The following DOCK3 variants were observed in gnomAD, a reference collection of about 807,000 sequenced individuals.
DOCK3 encodes the protein dedicator of cytokinesis protein 3.
DOCK3 carries 60 observed loss-of-function variants against 265.6 expected under a neutral mutation model. The ratio of observed to expected loss-of-function variants is 0.23; its 90% CI spans 0.18 to 0.28. The LOEUF is 0.28. Among genes scored for constraint, DOCK3 ranks in the 10% least tolerant of loss-of-function variants. The pLI is 1.00. For missense variants in DOCK3, 1,981 were observed against 2,594.3 expected (o/e 0.76, Z 5.14); for synonymous variants, 881 against 938.0 (o/e 0.94, Z 1.11).
At chr3:50,867,671 A>G (rs1370559677) in intron 3 of DOCK3, among the ~76,000 whole-genome samples, 1 of 151,290 alleles carries the variant, frequency 6.6e-6, no homozygotes, top group Non-Finnish European at 1.5e-5. Flanking sequence ...CTTTTTCATA[A>G]TCAATTGAAA....
Position 51,260,256 on chromosome 3 carries a change from A to G in DOCK3, c.2285A>G (p.Glu762Gly). 6.2e-7 allele frequency: 1 copy of G among 1,613,970 alleles called. No individual in the cohort carries two copies. Among genetic ancestry groups the G allele is most frequent in the Non-Finnish European group, 8.5e-7 (1 of 1,179,886 alleles). Residue 762 changes from glutamate to glycine, a missense_variant, in exon 23 of 53, where the codon GAA (glutamate) becomes GGA (glycine). Glu to Gly is a moderately conservative substitution (Grantham distance 98, BLOSUM62 -2). Coordinates refer to ENST00000266037, the MANE Select transcript of DOCK3 (RefSeq NM_004947.5). ...EEEQFRSSIQ[E>G]LFQSIRFVLS... ...GAACAATTCAGATCCAGTATCCAAG[A>G]ACTTTTCCAGTCCATCCGGTTTGTG...
At chr3:51,366,415 T>G (rs2087175281) in intron 49 of DOCK3, among the ~76,000 whole-genome samples, 1 of 152,208 alleles carries the variant, frequency 6.6e-6, no homozygotes. Context: ...TCTATCAATT[T>G]TGTTTATCTT....
At chr3:50,910,070 G>A (rs1391786978) in intron 4 of DOCK3, among the ~76,000 whole-genome samples, 5 of 151,990 alleles carry the variant, frequency 3.3e-5, no homozygotes, top group African/African-American at 9.7e-5. Context: ...AGCTTCATCA[G>A]GTCAGTTATG....
At chr3:50,877,571 G>A (rs1477761757) in intron 3 of DOCK3, 1 of 519,004 alleles carries the variant, frequency 1.9e-6, no homozygotes, top group African/African-American at 1.9e-5. Flanking sequence ...GTCAAGCGAG[G>A]ATTCAGCTTG....
chr3:50,693,862 G>A (rs913536997), intron 1 of DOCK3, among the ~76,000 whole-genome samples: 1 of 151,832 alleles, frequency 6.6e-6, no homozygotes, highest in African/African-American at 2.4e-5. Context: ...TTCTCATGTT[G>A]TTCGTATACA....
intron 18 of DOCK3, 133 bp downstream of exon 18, chr3:51,228,965 G>A: frequency 1.7e-6 from 2 of 1,183,662 alleles, no homozygotes; most frequent in South Asian, 3.3e-5. Context: ...TTCATTTGAA[G>A]TTGAAGCGAT....
intron 1 of DOCK3, among the ~76,000 whole-genome samples, chr3:50,698,413 C>T (rs1354180944): frequency 6.6e-6 from 1 of 151,204 alleles, no homozygotes; most frequent in Non-Finnish European, 1.5e-5. Flanking sequence ...GTCCATTTAC[C>T]AGAATGGATA....
intron 2 of DOCK3, among the ~76,000 whole-genome samples, chr3:50,826,431 T>C: frequency 6.6e-6 from 1 of 152,196 alleles, no homozygotes; most frequent in East Asian, 1.9e-4. Context: ...CTCTGTGCAG[T>C]GAACCATAAG....
At chr3:51,314,872 C>T in intron 31 of DOCK3, 108 bp from the exon 32 acceptor site, 5 of 1,297,344 alleles carry the variant, frequency 3.9e-6, no homozygotes, top group Non-Finnish European at 5.0e-6. Flanking sequence ...GCTTGTTTTG[C>T]TCTCAGAAGC....
intron 2 of DOCK3, among the ~76,000 whole-genome samples, chr3:50,784,069 C>T (rs1429244297): frequency 2.0e-5 from 3 of 152,090 alleles, no homozygotes; most frequent in Middle Eastern, 3.4e-3. Flanking sequence ...GGTTTCACCA[C>T]GTTGGCCAGG....
At chr3:51,133,616 A>G (rs955064741) in intron 9 of DOCK3, among the ~76,000 whole-genome samples, 1 of 152,166 alleles carries the variant, frequency 6.6e-6, no homozygotes, top group Admixed American at 6.5e-5. Flanking sequence ...TAGTGCCACA[A>G]TAAACATACA....
At chr3:50,881,962 C>T (rs1220371827) in intron 3 of DOCK3, among the ~76,000 whole-genome samples, 2 of 152,152 alleles carry the variant, frequency 1.3e-5, no homozygotes, top group East Asian at 1.9e-4. Context: ...AATAATACCA[C>T]ACGTCTACAA....
At chr3:50,760,000 A>C (rs2108379055) in intron 1 of DOCK3, among the ~76,000 whole-genome samples, 1 of 151,264 alleles carries the variant, frequency 6.6e-6, no homozygotes, top group African/African-American at 2.4e-5. Context: ...GATGCATACA[A>C]GTTTTAAATT....
At chr3:51,173,844 C>G (rs11130280) in intron 12 of DOCK3, among the ~76,000 whole-genome samples, 2 of 152,062 alleles carry the variant, frequency 1.3e-5, no homozygotes, top group African/African-American at 2.4e-5. Context: ...GTCCTTATCT[C>G]TCCTATGATT....
intron 2 of DOCK3, among the ~76,000 whole-genome samples, chr3:50,814,821 C>CT (rs547975486): frequency 5.9e-4 from 90 of 151,904 alleles, no homozygotes; most frequent in African/African-American, 2.1e-3. Flanking sequence ...CTATTTCTTA[C>CT]TTTTTTTCAT....
At chr3:50,698,207 CT>C (rs1466226816) in intron 1 of DOCK3, among the ~76,000 whole-genome samples, 2 of 152,060 alleles carry the variant, frequency 1.3e-5, no homozygotes, top group Admixed American at 6.6e-5. Context: ...CGGGCACCCC[CT>C]AATTGGCTTT....
At chr3:50,962,182 G>A (rs2076907742) in intron 5 of DOCK3, among the ~76,000 whole-genome samples, 1 of 152,006 alleles carries the variant, frequency 6.6e-6, no homozygotes, top group African/African-American at 2.4e-5. Flanking sequence ...GCCCTGGTGT[G>A]TGATGTACCC....
At chr3:50,834,871 C>T (rs74831491) in intron 2 of DOCK3, among the ~76,000 whole-genome samples, 12 of 152,140 alleles carry the variant, frequency 7.9e-5, no homozygotes, top group Non-Finnish European at 1.5e-4. Context: ...TTAAATGTAA[C>T]ATGAAAATCT....
At chr3:50,977,335 C>T (rs2077491419) in intron 5 of DOCK3, among the ~76,000 whole-genome samples, 1 of 151,702 alleles carries the variant, frequency 6.6e-6, no homozygotes, top group Non-Finnish European at 1.5e-5. Flanking sequence ...GTAAGGCAGG[C>T]CTGGTGGTGA....
Sources: allele counts gnomAD v4.1 joint callset (sites outside exome capture counted in the v4.1 genomes callset), GRCh38; gene constraint gnomAD v4.1.1; transcripts MANE v1.5; gene names NCBI Gene and HGNC (gene_info 2026-07-23, HGNC 2026-07-21).